Variants in EBF2 observed in about 807,000 individuals in gnomAD.
The protein encoded by EBF2 is transcription factor COE2.
EBF2 carries 21 observed loss-of-function variants against 72.8 expected under a neutral mutation model. The ratio of observed to expected loss-of-function variants is 0.29; its 90% CI spans 0.20 to 0.42. The LOEUF (loss-of-function observed/expected upper bound fraction) is 0.42. Among genes scored for constraint, EBF2 ranks in the 10% least tolerant of loss-of-function variants. The pLI, the probability that EBF2 is intolerant of heterozygous loss-of-function variation, is 1.00. For synonymous variants in EBF2, 299 were observed against 274.2 expected, an observed-to-expected ratio of 1.09 and a Z score of -0.89; for missense variants, 637 against 731.2, an observed-to-expected ratio of 0.87 and a Z score of 1.49.
In EBF2 at chr8:25,889,795, G is replaced by A. The variant is rs1802748184; in HGVS notation, c.708C>T (p.Asn236=). 2 of 1,614,008 alleles carry A rather than the reference G, an allele frequency of 1.2e-6. No homozygotes were observed. Among genetic ancestry groups the A allele is most frequent in the Non-Finnish European group, 1.7e-6 (2 of 1,179,962 alleles). ...AVSDNMFVHN[N]SKHGRRARRL... is the part of the protein sequence containing the mutation. The stretch of plus-strand genomic sequence containing the variant: ...TTCTTGCTCTCCGTCCATGCTTGGA[G>A]TTGTTATGAACAAACATGTTGTCAG... Residue 236 remains asparagine, a synonymous_variant, in exon 8 of 16, where the codon AAC becomes AAT. Transcript: ENST00000520164.
At chr8:26,027,254 A>G (rs1238403973) in intron 6 of EBF2, among the ~76,000 whole-genome samples, 3 of 152,192 alleles carry the variant, frequency 2.0e-5, no homozygotes, top group African/African-American at 7.2e-5. Context: ...AGAGACAGGA[A>G]GAACAAGTAC....
At chr8:25,868,477 T>TG (rs1585267966) in intron 10 of EBF2, among the ~76,000 whole-genome samples, 1 of 119,296 alleles carries the variant, frequency 8.4e-6, no homozygotes, top group African/African-American at 3.1e-5. Flanking sequence ...ATACACACTT[T>TG]TTGTTGTTGT....
chr8:25,973,407 T>C (rs1158400401), intron 6 of EBF2, among the ~76,000 whole-genome samples: 4 of 152,184 alleles, frequency 2.6e-5, no homozygotes, highest in African/African-American at 9.7e-5. Flanking sequence ...ACAGGGCAGA[T>C]CTTCTGTTTC....
chr8:25,891,580 A>ATTTTTTT, intron 7 of EBF2, among the ~76,000 whole-genome samples: 1 of 139,310 alleles, frequency 7.2e-6, no homozygotes, highest in African/African-American at 2.6e-5. Flanking sequence ...ATCCTGTCGT[A>ATTTTTTT]TTTTTTTTTT....
At chr8:26,015,026 A>G (rs1173028945) in intron 6 of EBF2, among the ~76,000 whole-genome samples, 1 of 152,164 alleles carries the variant, frequency 6.6e-6, no homozygotes, top group East Asian at 1.9e-4. Flanking sequence ...GTAGGGTGTT[A>G]ATTGCTGAAC....
chr8:25,989,734 G>A (rs1434961158), intron 6 of EBF2, among the ~76,000 whole-genome samples: 1 of 152,184 alleles, frequency 6.6e-6, no homozygotes, highest in East Asian at 1.9e-4. Flanking sequence ...ACAGGAAGAT[G>A]GGCACATGAG....
chr8:25,902,537 TAATC>T (rs1422478925), intron 7 of EBF2, among the ~76,000 whole-genome samples: 1 of 151,942 alleles, frequency 6.6e-6, no homozygotes, highest in East Asian at 1.9e-4. Context: ...TTTTAATAAT[TAATC>T]TATTTATTTA....
At chr8:26,023,398 C>G (rs1805235093) in intron 6 of EBF2, among the ~76,000 whole-genome samples, 1 of 152,186 alleles carries the variant, frequency 6.6e-6, no homozygotes, top group Non-Finnish European at 1.5e-5. Context: ...TTAATCACAT[C>G]ACACAATTTC....
intron 6 of EBF2, among the ~76,000 whole-genome samples, chr8:25,922,732 G>A (rs1386105251): frequency 6.6e-6 from 1 of 152,122 alleles, no homozygotes; most frequent in Non-Finnish European, 1.5e-5. Context: ...TAAACCAAAT[G>A]AGCCCTCTCA....
intron 6 of EBF2, among the ~76,000 whole-genome samples, chr8:25,969,542 C>T (rs1019788384): frequency 1.3e-5 from 2 of 152,228 alleles, no homozygotes; most frequent in African/African-American, 4.8e-5. Flanking sequence ...CCCGGGAGGA[C>T]ACTTTCTAAA....
At chr8:25,847,740 C>T (rs3936201) in intron 15 of EBF2, among the ~76,000 whole-genome samples, 43,909 of 151,908 alleles carry the variant, frequency 0.29, 6,483 homozygotes, top group South Asian at 0.41. Flanking sequence ...ACATCATGGC[C>T]AGCACTCTTC....
intron 6 of EBF2, chr8:26,031,429 T>A: frequency 7.3e-4 from 1 of 1,364 alleles, no homozygotes; most frequent in Non-Finnish European, 1.3e-3. Context: ...TCTTTTTCTT[T>A]TTTTTTTTTT....
At position 26,045,407 on chromosome 8, in the gene EBF2, C is replaced by G. The variant is rs377401848; in HGVS notation, c.-548G>C. The G allele has an allele frequency of 1.3e-5, 2 of 152,284 alleles. No homozygotes were observed. The highest frequency in any genetic ancestry group is 2.9e-5 in the Non-Finnish European group (2 of 68,100). 9.4% of individuals were successfully genotyped at this position (152,284 alleles called of 1,614,324 possible). ...CGCGGGCCCCATGAATGGGTTACTA[C>G]GGCCCTGGCTGCGGGAGGCGGAGCT... On this transcript the variant is annotated 5_prime_UTR_variant, in exon 1 of 16. Coordinates refer to ENST00000520164, the MANE Select transcript of EBF2 (RefSeq NM_022659.4).
chr8:25,942,472 C>T (rs1803689621), intron 6 of EBF2, among the ~76,000 whole-genome samples: 1 of 152,208 alleles, frequency 6.6e-6, no homozygotes, highest in Non-Finnish European at 1.5e-5. Context: ...CAGCCTTTTA[C>T]AGTCATTAGT....
chr8:25,996,144 GT>G (rs1804626784), intron 6 of EBF2, among the ~76,000 whole-genome samples: 2 of 151,896 alleles, frequency 1.3e-5, no homozygotes, highest in South Asian at 4.2e-4. Context: ...CTACCAAAAA[GT>G]AAAACAATTG....
At chr8:25,845,248 T>C (rs1801808878) in intron 15 of EBF2, among the ~76,000 whole-genome samples, 1 of 152,176 alleles carries the variant, frequency 6.6e-6, no homozygotes, top group Admixed American at 6.5e-5. Flanking sequence ...CACTCTTCTT[T>C]GTTGAGGTGG....
At chr8:25,865,541 A>G (rs1396625943) in intron 10 of EBF2, among the ~76,000 whole-genome samples, 3 of 152,200 alleles carry the variant, frequency 2.0e-5, no homozygotes, top group South Asian at 4.1e-4. Flanking sequence ...GGCTGTCAAA[A>G]TCAAAACTAT....
chr8:25,997,066 G>T (rs74717724), intron 6 of EBF2, among the ~76,000 whole-genome samples: 2 of 152,132 alleles, frequency 1.3e-5, no homozygotes, highest in Non-Finnish European at 2.9e-5. Flanking sequence ...AGCACAGGAG[G>T]TCATGGAGAT....
intron 11 of EBF2, 99 bp downstream of exon 11, chr8:25,862,610 G>A (rs1340311799): frequency 7.2e-6 from 6 of 838,622 alleles, no homozygotes; most frequent in Non-Finnish European, 1.1e-5. Flanking sequence ...AAATTTCAAG[G>A]CCTAATTAAT....
Sources: allele counts gnomAD v4.1 joint callset (sites outside exome capture counted in the v4.1 genomes callset), GRCh38; gene constraint gnomAD v4.1.1; transcripts MANE v1.5; gene names NCBI Gene and HGNC (gene_info 2026-07-23, HGNC 2026-07-21).